The following CENPL variants were observed in gnomAD, a reference collection of about 807,000 sequenced individuals.
The protein encoded by CENPL is centromere protein L.
A neutral mutation model predicts 35.2 loss-of-function variants in CENPL; 20 were observed. That is an observed-to-expected ratio of 0.57 (90% confidence interval 0.40 to 0.83). The LOEUF (loss-of-function observed/expected upper bound fraction) is 0.83, where lower values mean the gene tolerates loss of function less well. Ranked by LOEUF, CENPL falls within the 40% of genes least tolerant of loss-of-function variation. CENPL has a pLI of 0.00. For synonymous variants in CENPL, 140 were observed against 140.6 expected (o/e 1.00, Z 0.03); for missense variants, 363 against 395.8 (o/e 0.92, Z 0.70).
At position 173,809,964 on chromosome 1, in the gene CENPL, G is replaced by C. The variant is rs555738636; in HGVS notation, c.168+1168C>G. Among the ~76,000 whole-genome samples the C allele has an allele frequency of 1.6e-4, 24 of 152,294 alleles. No individual in the cohort carries two copies. The South Asian group carries it at 5.0e-3, about 32-fold the overall frequency. ...GAAGACTGTGTGGCAATTCCTCAAA[G>C]ACCTAGAGACAGAAATATTATTTGA... On this transcript the variant is annotated intron_variant, in intron 3 of 5. Transcript: ENST00000682279.
At chr1:173,815,185 C>T (rs1651235953) in intron 2 of CENPL, among the ~76,000 whole-genome samples, 1 of 152,076 alleles carries the variant, frequency 6.6e-6, no homozygotes, top group African/African-American at 2.4e-5. Flanking sequence ...GAAACTGAGG[C>T]AATAATTAAT....
intron 1 of CENPL, 78 bp from the exon 2 acceptor site, chr1:173,824,097 C>T (rs896265992): frequency 3.3e-5 from 5 of 152,156 alleles, no homozygotes; most frequent in Non-Finnish European, 7.3e-5. Flanking sequence ...CCCAAATTCC[C>T]TCTCGCTCCA....
In CENPL at chr1:173,807,506, G is replaced by A. The variant is rs1650344573; in HGVS notation, c.181C>T (p.Pro61Ser). Residue 61 changes from proline to serine, a missense_variant, in exon 4 of 6, where the codon CCT becomes TCT. By Grantham distance (74) the Pro-to-Ser change is moderately conservative. Coordinates refer to ENST00000682279, the MANE Select transcript of CENPL (RefSeq NM_001387287.1). ...QCSQLQEDVD[P>S]QKVAFLLHKQ... ...TGCAGAAGGAATGCAACCTTTTGAG[G>A]GTCAACATCTTCCTATAAAAAAAAA... 3.4e-6 allele frequency: 5 copies of A among 1,464,290 alleles called. No homozygotes were observed. The highest frequency in any genetic ancestry group is 2.3e-5 in the Admixed American group (1 of 44,362). The allele number at this position is 1,464,290 out of a possible 1,614,324, so 90.7% of individuals were successfully genotyped here.
At chr1:173,803,967 C>T (rs774988133) in intron 4 of CENPL, among the ~76,000 whole-genome samples, 35 of 152,084 alleles carry the variant, frequency 2.3e-4, no homozygotes, top group Non-Finnish European at 7.4e-5. Context: ...CTACCAGGCC[C>T]GGCCCCCAAT....
At chr1:173,809,738 G>A (rs1349258016) in intron 3 of CENPL, among the ~76,000 whole-genome samples, 1 of 151,994 alleles carries the variant, frequency 6.6e-6, no homozygotes, top group Non-Finnish European at 1.5e-5. Flanking sequence ...GATCATTAGA[G>A]AAATGCAAAT....
In CENPL at chr1:173,824,039, A is replaced by G. The variant is rs1571972176; in HGVS notation, c.-101-20T>C. On this transcript the variant is annotated intron_variant, in intron 1 of 5. Coordinates refer to ENST00000682279, the MANE Select transcript of CENPL (RefSeq NM_001387287.1). ...AATCCCCTGAAGAAAAAAAAAAAAA[A>G]CCGCCAAAATGACAGCTAAGACAGA... The G allele has an allele frequency of 6.6e-6, 1 of 151,598 alleles. No individual in the cohort carries two copies. The highest frequency in any genetic ancestry group is 1.5e-5 in the Non-Finnish European group (1 of 67,900). 9.4% of individuals were successfully genotyped at this position (151,598 alleles called of 1,614,324 possible). A position where few individuals can be genotyped will look rare whatever the true frequency, so the allele number is the denominator to read the frequency against.
At chr1:173,802,479 T>G (rs551687683) in intron 5 of CENPL, among the ~76,000 whole-genome samples, 219 of 152,304 alleles carry the variant, frequency 1.4e-3, no homozygotes, top group African/African-American at 4.9e-3. Context: ...GTGCTGGGAT[T>G]ACAGGCGTGA....
At chr1:173,815,179 C>T (rs964418993) in intron 2 of CENPL, among the ~76,000 whole-genome samples, 2 of 152,076 alleles carry the variant, frequency 1.3e-5, no homozygotes, top group African/African-American at 2.4e-5. Context: ...GGCTCTGAAA[C>T]TGAGGCAATA....
rs1406249581 is a variant in CENPL, at chr1:173,800,523, C to CA, written c.964-5dup. ...TAAGGTATTTATGACACAGAATCTG[C>CA]AAAAAGAAAAAGAAGGAGACATTTA... On this transcript the variant is annotated splice_polypyrimidine_tract_variant and splice_region_variant and intron_variant, in intron 5 of 5. Coordinates refer to ENST00000682279, the MANE Select transcript of CENPL (RefSeq NM_001387287.1). 2 of 1,321,398 alleles carry CA rather than the reference C, an allele frequency of 1.5e-6. No homozygotes were observed. Among genetic ancestry groups the CA allele is most frequent in the Non-Finnish European group, 1.1e-6 (1 of 936,220 alleles). The allele number at this position is 1,321,398 out of a possible 1,614,324, so 81.9% of individuals were successfully genotyped here.
intron 5 of CENPL, 57 bp from the exon 6 acceptor site, chr1:173,800,576 A>G (rs941836671): frequency 5.7e-6 from 4 of 700,072 alleles, no homozygotes; most frequent in Admixed American, 2.4e-5. Context: ...ATTATAACAA[A>G]GCAGATTGAT....
intron 3 of CENPL, 74 bp downstream of exon 3, chr1:173,811,058 T>G: frequency 1.7e-5 from 23 of 1,378,706 alleles, no homozygotes; most frequent in Non-Finnish European, 2.3e-5. Context: ...AATACTATAG[T>G]TACAAAAATT....
chr1:173,807,216 C>T, intron 4 of CENPL, 51 bp downstream of exon 4: 1 of 1,418,684 alleles, frequency 7.0e-7, no homozygotes, highest in Non-Finnish European at 9.3e-7. Flanking sequence ...TTTAGTCAAA[C>T]AAGACATAAT....
At chr1:173,822,091 C>T (rs1652008034) in intron 2 of CENPL, 1 of 152,148 alleles carries the variant, frequency 6.6e-6, no homozygotes, top group Non-Finnish European at 1.5e-5. Flanking sequence ...TCGTCTCATT[C>T]CTTCTGAGAC....
intron 2 of CENPL, among the ~76,000 whole-genome samples, chr1:173,820,508 T>C (rs1442920107): frequency 6.6e-6 from 1 of 151,918 alleles, no homozygotes; most frequent in African/African-American, 2.4e-5. Context: ...AGTGAGACCC[T>C]CTCTAATTAA....
rs1651210902 is a variant in CENPL, at chr1:173,814,949, A to G, written c.-7-3643T>C. ...TTGATAGACCGTTAGCAAGACTAAT[A>G]AAGAAGAAAAGAGAGAAGAAGCACA... On this transcript the variant is annotated intron_variant, in intron 2 of 5. Transcript: ENST00000682279. 2.0e-5 allele frequency among the ~76,000 whole-genome samples: 3 copies of G among 152,208 alleles called. No individual in the cohort carries two copies. In the South Asian group the frequency reaches 6.2e-4, roughly 32 times the overall value.
At position 173,803,461 on chromosome 1, in the gene CENPL, T is replaced by C. The variant is rs1390089599; in HGVS notation, c.465A>G (p.Lys155=). 7 of 1,604,854 alleles carry C rather than the reference T, an allele frequency of 4.4e-6. 1 individual carries two copies. Among genetic ancestry groups the C allele is most frequent in the South Asian group, 3.3e-5 (3 of 90,102 alleles). Residue 155 remains lysine (K), a synonymous_variant, in exon 5 of 6, where the codon AAA becomes AAG. Transcript: ENST00000682279. ...SQLPSENREG[K]VLWTGWFCCV... is the part of the protein sequence containing the mutation. ...AGCAGAACCAGCCAGTCCACAGCAC[T>C]TTACCTTCTCTATTCTCAGATGGCA...
chr1:173,803,678 T>A (rs1571957199), intron 4 of CENPL, among the ~76,000 whole-genome samples, 173 bp from the exon 5 acceptor site: 1 of 86,664 alleles, frequency 1.2e-5, no homozygotes, highest in African/African-American at 3.2e-5. Context: ...ATAATTGGCC[T>A]TTTTTTTTTT....
intron 2 of CENPL, among the ~76,000 whole-genome samples, chr1:173,818,537 T>A (rs1450435357): frequency 2.0e-5 from 3 of 152,210 alleles, no homozygotes; most frequent in African/African-American, 7.2e-5. Flanking sequence ...GTTTTTAACC[T>A]TTTGGTCCTG....
chr1:173,819,883 A>G (rs1394302475), intron 2 of CENPL, among the ~76,000 whole-genome samples: 1 of 145,854 alleles, frequency 6.9e-6, no homozygotes, highest in African/African-American at 2.5e-5. Context: ...TTTTTTTTGT[A>G]TTTTTAGTAG....
Sources: allele counts gnomAD v4.1 joint callset (sites outside exome capture counted in the v4.1 genomes callset), GRCh38; gene constraint gnomAD v4.1.1; transcripts MANE v1.5; gene names NCBI Gene and HGNC (gene_info 2026-07-23, HGNC 2026-07-21).